Variants in AFG2A observed in about 807,000 individuals in gnomAD.
AFG2A encodes the protein ATPase family gene 2 protein homolog A.
the AFG2A span, among the ~76,000 whole-genome samples, chr4:123,198,887 A>G: frequency 6.6e-6 from 1 of 152,228 alleles, no homozygotes; most frequent in Non-Finnish European, 1.5e-5. Flanking sequence ...TAGAATCTAG[A>G]TGAGGCATGA....
At chr4:123,302,592 G>C in the AFG2A span, among the ~76,000 whole-genome samples, 1 of 147,432 alleles carries the variant, frequency 6.8e-6, no homozygotes, top group African/African-American at 2.5e-5. Flanking sequence ...TTTTTTTTTT[G>C]GAGTTGATCG....
the AFG2A span, among the ~76,000 whole-genome samples, chr4:123,247,181 A>G: frequency 6.6e-6 from 1 of 151,922 alleles, no homozygotes; most frequent in Non-Finnish European, 1.5e-5. Flanking sequence ...TACACATCTC[A>G]AATGGGTTAC....
the AFG2A span, among the ~76,000 whole-genome samples, chr4:123,276,633 T>G: frequency 6.6e-6 from 1 of 152,172 alleles, no homozygotes; most frequent in African/African-American, 2.4e-5. Context: ...TTTACATCTT[T>G]AATCCATCTT....
At chr4:123,184,355 T>G in the AFG2A span, among the ~76,000 whole-genome samples, 2 of 152,156 alleles carry the variant, frequency 1.3e-5, no homozygotes, top group African/African-American at 4.8e-5. Context: ...TGTTTGTACA[T>G]ATTTTGAGAA....
the AFG2A span, among the ~76,000 whole-genome samples, chr4:123,131,725 G>A: frequency 3.3e-5 from 5 of 152,086 alleles, no homozygotes; most frequent in African/African-American, 1.2e-4. Flanking sequence ...CCATTCATCT[G>A]TAGATGGACA....
chr4:123,147,233 C>CG, the AFG2A span, among the ~76,000 whole-genome samples: 8 of 151,998 alleles, frequency 5.3e-5, no homozygotes, highest in African/African-American at 1.9e-4. Flanking sequence ...TTAAGGAAAC[C>CG]CATTTCTAGA....
the AFG2A span, among the ~76,000 whole-genome samples, chr4:123,053,624 G>A: frequency 6.6e-6 from 1 of 152,204 alleles, no homozygotes; most frequent in Non-Finnish European, 1.5e-5. Flanking sequence ...ATGGAGGTTG[G>A]TGTTCTTGTC....
At chr4:122,934,414 C>T in the AFG2A span, 1 of 1,614,104 alleles carries the variant, frequency 6.2e-7, no homozygotes, top group Non-Finnish European at 8.5e-7. Context: ...TACACAGAGC[C>T]CTGGAGATGG....
At chr4:123,115,474 A>T in the AFG2A span, among the ~76,000 whole-genome samples, 1 of 151,994 alleles carries the variant, frequency 6.6e-6, no homozygotes, top group Non-Finnish European at 1.5e-5. Context: ...ACACCCCTGA[A>T]GTACGGCCCC....
chr4:123,195,099 A>G, the AFG2A span, among the ~76,000 whole-genome samples: 1 of 152,196 alleles, frequency 6.6e-6, no homozygotes, highest in Non-Finnish European at 1.5e-5. Flanking sequence ...AAGCATGAAT[A>G]CTTGACATAT....
the AFG2A span, among the ~76,000 whole-genome samples, chr4:123,292,770 G>A: frequency 1.5e-4 from 23 of 152,136 alleles, no homozygotes; most frequent in African/African-American, 4.1e-4. Flanking sequence ...ATCATTCTCC[G>A]GTGGTGTGTA....
the AFG2A span, among the ~76,000 whole-genome samples, chr4:122,953,103 A>G: frequency 6.6e-6 from 1 of 152,100 alleles, no homozygotes; most frequent in African/African-American, 2.4e-5. Context: ...AGCAGGCAGT[A>G]TTGCCTCAGT....
chr4:123,057,993 G>T, the AFG2A span, among the ~76,000 whole-genome samples: 1 of 152,166 alleles, frequency 6.6e-6, no homozygotes, highest in Admixed American at 6.5e-5. Flanking sequence ...GGTAATTACA[G>T]TGAAGGGTGA....
chr4:123,077,971 C>T, the AFG2A span, among the ~76,000 whole-genome samples: 1 of 152,160 alleles, frequency 6.6e-6, no homozygotes, highest in Admixed American at 6.5e-5. Context: ...CCAAAACACA[C>T]ATTATTTGTA....
chr4:123,020,751 T>A, the AFG2A span, among the ~76,000 whole-genome samples: 1 of 152,206 alleles, frequency 6.6e-6, no homozygotes, highest in Admixed American at 6.5e-5. Flanking sequence ...ATAATTCATT[T>A]AATAGTTGTT....
At chr4:123,003,585 G>T in the AFG2A span, among the ~76,000 whole-genome samples, 1 of 152,164 alleles carries the variant, frequency 6.6e-6, no homozygotes, top group Non-Finnish European at 1.5e-5. Context: ...GACCCTGTTT[G>T]CCTGGGTATC....
chr4:123,156,369 G>A, the AFG2A span, among the ~76,000 whole-genome samples: 1 of 151,912 alleles, frequency 6.6e-6, no homozygotes, highest in Non-Finnish European at 1.5e-5. Context: ...ACCCTTCAAG[G>A]GCCTATTCTC....
the AFG2A span, among the ~76,000 whole-genome samples, chr4:123,079,141 G>A: frequency 6.6e-6 from 1 of 152,170 alleles, no homozygotes; most frequent in East Asian, 1.9e-4. Context: ...GTGCCTGCCA[G>A]CTAGTGTTTA....
the AFG2A span, among the ~76,000 whole-genome samples, chr4:123,197,321 T>G: frequency 5.2e-4 from 80 of 152,384 alleles, 1 homozygote; most frequent in African/African-American, 1.8e-3. Flanking sequence ...TTTCCGTTAC[T>G]TCTTAAATCA....
Sources: gnomAD v4.1 joint callset for allele counts (sites outside exome capture counted in the v4.1 genomes callset) on GRCh38, gnomAD v4.1.1 for gene constraint, MANE v1.5 for transcripts, NCBI Gene and HGNC (gene_info 2026-07-23, HGNC 2026-07-21) for gene names.